The following RBFOX1 variants were observed in gnomAD, a reference collection of about 807,000 sequenced individuals.
RBFOX1 encodes RNA binding protein fox-1 homolog 1.
In RBFOX1, 8 loss-of-function variants were observed where a neutral mutation model predicts 57.7. That is an observed-to-expected ratio of 0.14 (90% confidence interval 0.08 to 0.25). RBFOX1 has a LOEUF of 0.25. Ranked by LOEUF, RBFOX1 falls within the 10% of genes least tolerant of loss-of-function variation. The pLI is 1.00. For synonymous variants in RBFOX1, 326 were observed against 222.4 expected, an observed-to-expected ratio of 1.47 and a Z score of -4.15; for missense variants, 611 against 548.5, an observed-to-expected ratio of 1.11 and a Z score of -1.14.
At chr16:6,918,649 T>G (rs546298178) in intron 3 of RBFOX1, among the ~76,000 whole-genome samples, 1 of 152,270 alleles carries the variant, frequency 6.6e-6, no homozygotes, top group Non-Finnish European at 1.5e-5. Context: ...TGTGGTTGCT[T>G]GTCACTGAGT....
chr16:6,537,325 T>G (rs2096749026), intron 2 of RBFOX1, among the ~76,000 whole-genome samples: 2 of 152,218 alleles, frequency 1.3e-5, no homozygotes. Flanking sequence ...TGGATGTCTC[T>G]GCAATAGAAT....
At chr16:6,950,983 G>A (rs2080623597) in intron 3 of RBFOX1, among the ~76,000 whole-genome samples, 2 of 151,476 alleles carry the variant, frequency 1.3e-5, no homozygotes, top group Admixed American at 6.6e-5. Flanking sequence ...ACAGCTCATT[G>A]CAGCCTCAAA....
intron 14 of RBFOX1, among the ~76,000 whole-genome samples, chr16:7,677,166 A>C (rs72776882): frequency 0.23 from 16,014 of 69,536 alleles, 994 homozygotes; most frequent in Middle Eastern, 0.34. Flanking sequence ...CACACCGTAC[A>C]ACCTTCTTAT....
chr16:7,527,832 C>T (rs998551459), intron 5 of RBFOX1, among the ~76,000 whole-genome samples: 1 of 152,130 alleles, frequency 6.6e-6, no homozygotes, highest in African/African-American at 2.4e-5. Context: ...GAGCGGTCTC[C>T]TTGGTTCCGA....
chr16:6,165,918 G>A (rs764405992), intron 1 of RBFOX1, among the ~76,000 whole-genome samples: 26 of 152,260 alleles, frequency 1.7e-4, no homozygotes, highest in Non-Finnish European at 3.2e-4. Flanking sequence ...TCAAACTTAG[G>A]TACTGGAATT....
At chr16:7,534,254 T>C (rs77556236) in intron 5 of RBFOX1, among the ~76,000 whole-genome samples, 7,787 of 135,260 alleles carry the variant, frequency 0.058, 339 homozygotes, top group East Asian at 0.27. Flanking sequence ...ACCCAGTTAA[T>C]TTTTTTTTTT....
In RBFOX1 at chr16:5,717,733, G is replaced by A. The variant is rs1028870846; in HGVS notation, c.318+118772G>A. ...TCTCTCTAATAATTGGGAGGGCTTC[G>A]GTAACTACCAATAACAATAATTCTT... is the stretch of plus-strand genomic sequence containing the variant. On this transcript the variant is annotated intron_variant, in intron 3 of 19. Transcript: ENST00000641259. Among the ~76,000 whole-genome samples, 7 of 152,148 alleles carry A rather than the reference G, an allele frequency of 4.6e-5. No individual in the cohort carries two copies. In the South Asian group the frequency reaches 8.3e-4, roughly 18 times the overall value.
intron 4 of RBFOX1, among the ~76,000 whole-genome samples, chr16:7,356,631 G>A (rs900808183): frequency 6.6e-6 from 1 of 152,232 alleles, no homozygotes; most frequent in African/African-American, 2.4e-5. Flanking sequence ...AAGCAGGGCA[G>A]CAGCAGAATT....
chr16:5,323,300 C>G (rs988975840), intron 1 of RBFOX1, among the ~76,000 whole-genome samples: 1 of 152,326 alleles, frequency 6.6e-6, no homozygotes, highest in Admixed American at 6.5e-5. Context: ...TCTTTCTTTC[C>G]TTTCTCCTCC....
chr16:6,568,828 G>A (rs1185246258), intron 2 of RBFOX1, among the ~76,000 whole-genome samples: 2 of 152,058 alleles, frequency 1.3e-5, no homozygotes, highest in Non-Finnish European at 2.9e-5. Flanking sequence ...GAGTGCAGTG[G>A]CGCGATCTCG....
At chr16:5,912,586 C>G (rs1364270686) in intron 4 of RBFOX1, among the ~76,000 whole-genome samples, 2 of 152,180 alleles carry the variant, frequency 1.3e-5, no homozygotes, top group Admixed American at 6.5e-5. Flanking sequence ...TGTTTTTACA[C>G]AAGAACTTGG....
intron 1 of RBFOX1, among the ~76,000 whole-genome samples, chr16:5,464,007 C>T (rs1364235432): frequency 6.6e-6 from 1 of 152,114 alleles, no homozygotes; most frequent in Non-Finnish European, 1.5e-5. Flanking sequence ...ATGCTGTGCA[C>T]AGCTGCAATG....
At chr16:5,915,331 A>C (rs1358418628) in intron 4 of RBFOX1, among the ~76,000 whole-genome samples, 1 of 152,206 alleles carries the variant, frequency 6.6e-6, no homozygotes, top group Non-Finnish European at 1.5e-5. Context: ...TGGCTATTGC[A>C]TCCTTTCCAT....
intron 3 of RBFOX1, among the ~76,000 whole-genome samples, chr16:7,050,912 A>G (rs552626498): frequency 1.3e-5 from 2 of 152,258 alleles, no homozygotes; most frequent in East Asian, 3.9e-4. Context: ...GGGCATAGAA[A>G]AGCACTGATT....
intron 3 of RBFOX1, among the ~76,000 whole-genome samples, chr16:6,860,728 C>G (rs989607380): frequency 1.3e-5 from 2 of 152,098 alleles, no homozygotes; most frequent in African/African-American, 2.4e-5. Flanking sequence ...AATTAGATCT[C>G]TGTGTGCCAG....
chr16:5,681,579 G>C (rs1293501151), intron 3 of RBFOX1, among the ~76,000 whole-genome samples: 3 of 151,220 alleles, frequency 2.0e-5, no homozygotes, highest in Non-Finnish European at 3.0e-5. Context: ...TTTTAGTAGA[G>C]ACGGACTTTC....
chr16:6,621,238 G>T (rs1334947895), intron 2 of RBFOX1, among the ~76,000 whole-genome samples: 1 of 152,194 alleles, frequency 6.6e-6, no homozygotes, highest in Non-Finnish European at 1.5e-5. Context: ...TAGGCCGGCG[G>T]ATCACAAGGT....
In RBFOX1 at chr16:6,642,847, G is replaced by A. The variant is rs545325524; in HGVS notation, c.-63-11756G>A. On this transcript the variant is annotated intron_variant, in intron 2 of 15. Coordinates refer to ENST00000550418, the MANE Select transcript of RBFOX1 (RefSeq NM_018723.4). Reference sequence around the variant, plus strand: ...CCTCCAAATGTTTATAAAGTCAGCAGCTCTGCCCTGCAACCTACCCAACTA... The same window carrying A: ...CCTCCAAATGTTTATAAAGTCAGCAACTCTGCCCTGCAACCTACCCAACTA... Among the ~76,000 whole-genome samples, 3 of 152,184 alleles carry A rather than the reference G, an allele frequency of 2.0e-5. No individual in the cohort carries two copies. The East Asian group carries it at 5.8e-4, about 29-fold the overall frequency.
intron 2 of RBFOX1, among the ~76,000 whole-genome samples, chr16:5,540,046 G>A (rs1204876579): frequency 6.6e-6 from 1 of 152,008 alleles, no homozygotes; most frequent in Non-Finnish European, 1.5e-5. Flanking sequence ...CAATCTTCTG[G>A]GAGGGAAGAC....
Sources: allele counts gnomAD v4.1 joint callset (sites outside exome capture counted in the v4.1 genomes callset), GRCh38; gene constraint gnomAD v4.1.1; transcripts MANE v1.5; gene names NCBI Gene and HGNC (gene_info 2026-07-23, HGNC 2026-07-21).